Variants in TCF20 observed in about 807,000 individuals in gnomAD.
TCF20 encodes SPRE-binding protein.
In TCF20, 3 loss-of-function variants were observed where a neutral mutation model predicts 148.6. The ratio of observed to expected loss-of-function variants is 0.02; its 90% confidence interval spans 0.01 to 0.05. TCF20 has a LOEUF of 0.05. Ranked by LOEUF, TCF20 falls within the 10% of genes least tolerant of loss-of-function variation. The probability of loss-of-function intolerance (pLI) is 1.00; values close to 1 mark genes in which losing one functional copy is unlikely to be tolerated. For synonymous variants in TCF20, 1,049 were observed against 909.5 expected, an observed-to-expected ratio of 1.15 and a Z score of -2.76; for missense variants, 2,350 against 2,429.3, an observed-to-expected ratio of 0.97 and a Z score of 0.69.
intron 1 of TCF20, among the ~76,000 whole-genome samples, chr22:42,267,808 CT>C (rs747367389): frequency 6.6e-5 from 10 of 152,178 alleles, no homozygotes; most frequent in Non-Finnish European, 1.2e-4. Context: ...CACTCTGCCC[CT>C]ATGCTGGGAT....
chr22:42,294,257 C>T (rs930361601), intron 1 of TCF20, among the ~76,000 whole-genome samples: 1 of 152,270 alleles, frequency 6.6e-6, no homozygotes, highest in African/African-American at 2.4e-5. Context: ...GTGCACTACA[C>T]TGGCAGGCAC....
chr22:42,284,157 C>G (rs1046142377), upstream of TCF20, among the ~76,000 whole-genome samples: 1 of 152,084 alleles, frequency 6.6e-6, no homozygotes, highest in Non-Finnish European at 1.5e-5. Flanking sequence ...AGCACCCGAT[C>G]CCCCCTCGCC....
chr22:42,277,513 G>A (rs1405491076), intron 1 of TCF20, among the ~76,000 whole-genome samples: 2 of 152,204 alleles, frequency 1.3e-5, no homozygotes, highest in Non-Finnish European at 2.9e-5. Flanking sequence ...TGGTGAAGTT[G>A]GAGGAGAGCT....
At chr22:42,254,142 C>T (rs991888764) in intron 1 of TCF20, among the ~76,000 whole-genome samples, 7 of 150,710 alleles carry the variant, frequency 4.6e-5, no homozygotes, top group Admixed American at 6.6e-5. Context: ...GAGCTGGCAG[C>T]GAAATTTTAT....
chr22:42,179,791 A>C, intron 2 of TCF20, 89 bp from the exon 3 acceptor site: 1 of 835,642 alleles, frequency 1.2e-6, no homozygotes, highest in Non-Finnish European at 2.1e-6. Flanking sequence ...GTTAGACCTC[A>C]GCACGTGTCT....
upstream of TCF20, among the ~76,000 whole-genome samples, chr22:42,285,765 AC>A (rs2147021628): frequency 6.6e-6 from 1 of 151,994 alleles, no homozygotes; most frequent in East Asian, 1.9e-4. The surrounding 1 kb of genome is among the most constrained non-coding windows in gnomAD (Gnocchi z 4.2). Flanking sequence ...GAGCCACCGC[AC>A]CCAGTTCTTT....
chr22:42,230,640 C>T lies in TCF20; in HGVS notation c.-36-15299G>A, dbSNP rs1215049865. On this transcript the variant is annotated intron_variant, in intron 1 of 5. Transcript: ENST00000677622. ...AGTCTGGGCGACAGAGAGAGACTGT[C>T]TCAAAAAAAAAACCAAAGCAAACAA... is the stretch of plus-strand genomic sequence containing the variant. Among the ~76,000 whole-genome samples, 7 of 111,956 alleles carry T rather than the reference C, an allele frequency of 6.3e-5. No individual in the cohort carries two copies. In the South Asian group the frequency reaches 2.0e-3, roughly 33 times the overall value. 73.4% of individuals were successfully genotyped at this position (111,956 alleles called of 152,430 possible). A position where few individuals can be genotyped will look rare whatever the true frequency, so the allele number is the denominator to read the frequency against.
Position 42,266,851 on chromosome 22 carries a change from C to T in TCF20, c.-37+3488G>A, listed in dbSNP as rs551210221. ...AAAGCCATGTCTCCCGATATCTTAC[C>T]AACTTTGGCAACCTCTCACGTGAAT... is the stretch of plus-strand genomic sequence containing the variant. On this transcript the variant is annotated intron_variant, in intron 1 of 5. Coordinates refer to ENST00000677622, the MANE Select transcript of TCF20 (RefSeq NM_001378418.1). Among the ~76,000 whole-genome samples the T allele has an allele frequency of 5.3e-5, 8 of 152,322 alleles. No homozygotes were observed. In the South Asian group the frequency reaches 1.7e-3, roughly 32 times the overall value.
intron 1 of TCF20, among the ~76,000 whole-genome samples, chr22:42,247,534 G>A (rs1339786740): frequency 6.6e-6 from 1 of 152,040 alleles, no homozygotes. Context: ...CCGAGCTGCA[G>A]CAGAGGATAC....
At chr22:42,165,170 G>C (rs1030301257) in intron 5 of TCF20, among the ~76,000 whole-genome samples, 3 of 152,218 alleles carry the variant, frequency 2.0e-5, no homozygotes, top group Non-Finnish European at 2.9e-5. Context: ...ACCCTGGACT[G>C]CCTCTGGACC....
chr22:42,169,943 A>G (rs896207871), intron 3 of TCF20, 47 bp from the exon 4 acceptor site: 8 of 1,591,542 alleles, frequency 5.0e-6, no homozygotes, highest in African/African-American at 4.0e-5. Context: ...ACAGCTGGAC[A>G]TAGGTGTGGT....
intron 2 of TCF20, among the ~76,000 whole-genome samples, chr22:42,195,191 A>G (rs780931177): frequency 6.6e-6 from 1 of 150,612 alleles, no homozygotes; most frequent in Non-Finnish European, 1.5e-5. Context: ...GTGGCACTAC[A>G]TTCACCCAGT....
chr22:42,249,407 G>T (rs959266719), intron 1 of TCF20, among the ~76,000 whole-genome samples: 3 of 152,180 alleles, frequency 2.0e-5, no homozygotes, highest in Admixed American at 2.0e-4. Context: ...CCTGACTAAT[G>T]CAGATTTGGT....
intron 1 of TCF20, among the ~76,000 whole-genome samples, chr22:42,228,552 T>C (rs1923113781): frequency 6.6e-6 from 1 of 152,206 alleles, no homozygotes; most frequent in South Asian, 2.1e-4. Context: ...GGGGAGCTTG[T>C]ACTCCATTCA....
chr22:42,337,581 C>CA (rs1928087815), intron 1 of TCF20, among the ~76,000 whole-genome samples: 1 of 152,236 alleles, frequency 6.6e-6, no homozygotes, highest in East Asian at 1.9e-4. Context: ...AGACCCAACT[C>CA]AAAATGTCTC....
chr22:42,242,447 T>TTATTTTTGG (rs1924524804), intron 1 of TCF20, among the ~76,000 whole-genome samples: 1 of 152,026 alleles, frequency 6.6e-6, no homozygotes, highest in Non-Finnish European at 1.5e-5. Flanking sequence ...ACCTGTTCTG[T>TTATTTTTGG]AAGTATAGTA....
At chr22:42,200,458 T>C (rs1368890453) in intron 2 of TCF20, among the ~76,000 whole-genome samples, 1 of 152,138 alleles carries the variant, frequency 6.6e-6, no homozygotes, top group African/African-American at 2.4e-5. Context: ...CTGGCCAACA[T>C]GGTCAAACCC....
intron 1 of TCF20, among the ~76,000 whole-genome samples, chr22:42,251,290 G>T (rs1167714122): frequency 4.6e-5 from 7 of 152,028 alleles, no homozygotes; most frequent in Non-Finnish European, 8.8e-5. Flanking sequence ...AGACCCAAGA[G>T]ATCCTCCCAC....
At chr22:42,310,663 C>T (rs960314349) in intron 1 of TCF20, among the ~76,000 whole-genome samples, 1 of 150,296 alleles carries the variant, frequency 6.7e-6, no homozygotes, top group Non-Finnish European at 1.5e-5. Context: ...CAATGGAGTG[C>T]AAGGAGACAG....
Sources: gnomAD v4.1 joint callset for allele counts (sites outside exome capture counted in the v4.1 genomes callset) on GRCh38, gnomAD v4.1.1 for gene constraint, Gnocchi (gnomAD v3.1) non-coding constraint, MANE v1.5 for transcripts, NCBI Gene and HGNC (gene_info 2026-07-23, HGNC 2026-07-21) for gene names.